Variants in ATP8B4 observed in about 807,000 individuals in gnomAD.
ATP8B4 encodes the protein probable phospholipid-transporting ATPase IM.
Under a neutral mutation model 145.6 loss-of-function variants are expected in ATP8B4, and 133 were observed. The observed-to-expected ratio is 0.91, with a 90% CI of 0.79 to 1.05. The LOEUF (loss-of-function observed/expected upper bound fraction) is 1.05, where lower values mean the gene tolerates loss of function less well. ATP8B4 is among the 50% of genes least tolerant of loss of function. ATP8B4 has a pLI of 0.00. For synonymous variants in ATP8B4, 507 were observed against 492.9 expected, an observed-to-expected ratio of 1.03 and a Z score of -0.38; for missense variants, 1,458 against 1,425.2, an observed-to-expected ratio of 1.02 and a Z score of -0.37.
At chr15:49,984,537 A>T (rs976205389) in intron 10 of ATP8B4, among the ~76,000 whole-genome samples, 11 of 152,198 alleles carry the variant, frequency 7.2e-5, no homozygotes, top group Non-Finnish European at 1.6e-4. Flanking sequence ...TAAGGGAAAG[A>T]GGTGACAGGA....
chr15:50,152,791 C>T (rs1051556187), intron 1 of ATP8B4, among the ~76,000 whole-genome samples: 2 of 152,140 alleles, frequency 1.3e-5, no homozygotes, highest in Non-Finnish European at 2.9e-5. Flanking sequence ...AACCTTAACC[C>T]TTTCAAAGCT....
chr15:49,917,812 TCTC>T (rs2039895366), intron 19 of ATP8B4, among the ~76,000 whole-genome samples: 1 of 152,146 alleles, frequency 6.6e-6, no homozygotes, highest in South Asian at 2.1e-4. Context: ...ATTGATAAAA[TCTC>T]AGCATATACC....
rs557283138 is a variant in ATP8B4, at chr15:50,118,146, T to C, written c.-43+977A>G. Among the ~76,000 whole-genome samples the C allele has an allele frequency of 2.6e-5, 4 of 152,262 alleles. No homozygotes were observed. The East Asian group carries it at 5.8e-4, about 22-fold the overall frequency. ...TATTTTTTATTTATAATAAACGATA[T>C]AGATATAAACGATAAAATAAACGAT... On this transcript the variant is annotated intron_variant, in intron 1 of 27. Coordinates refer to ENST00000284509, the MANE Select transcript of ATP8B4 (RefSeq NM_024837.4).
At chr15:49,864,948 C>T (rs2032525322) in intron 26 of ATP8B4, among the ~76,000 whole-genome samples, 2 of 152,184 alleles carry the variant, frequency 1.3e-5, no homozygotes. Flanking sequence ...GTCTTCTTCT[C>T]TGTTTTCTGG....
chr15:50,111,761 T>A (rs1039900324), intron 1 of ATP8B4, among the ~76,000 whole-genome samples: 1 of 152,220 alleles, frequency 6.6e-6, no homozygotes, highest in Non-Finnish European at 1.5e-5. Context: ...ACATTTGATA[T>A]TAGTTATCTT....
chr15:50,079,466 TAA>T (rs563550051), intron 2 of ATP8B4, among the ~76,000 whole-genome samples: 43 of 152,296 alleles, frequency 2.8e-4, no homozygotes, highest in Admixed American at 1.1e-3. Flanking sequence ...TGTGAGGTAA[TAA>T]AGTCAATTTA....
intron 2 of ATP8B4, among the ~76,000 whole-genome samples, chr15:50,078,699 A>C (rs1465107696): frequency 6.6e-6 from 1 of 152,126 alleles, no homozygotes; most frequent in Non-Finnish European, 1.5e-5. Context: ...AAATGAACCC[A>C]CAAACCTTCA....
rs372316519 is a variant in ATP8B4 at position 49,931,686 on chromosome 15, C to T, written c.1454-379G>A. On this transcript the variant is annotated intron_variant, in intron 15 of 27. Coordinates refer to ENST00000284509, the MANE Select transcript of ATP8B4 (RefSeq NM_024837.4). ...ATATTAACCCAAATAATCCTCAGGG[C>T]AGCCTTTGAGGTAGAGATTATTAAA... 1.3e-4 allele frequency among the ~76,000 whole-genome samples: 20 copies of T among 152,090 alleles called. No homozygotes were observed. The South Asian group carries it at 4.1e-3, about 32-fold the overall frequency.
intron 5 of ATP8B4, 152 bp from the exon 6 acceptor site, chr15:50,038,981 A>C: frequency 1.5e-6 from 1 of 649,886 alleles, no homozygotes. Context: ...ACCCAGCTCT[A>C]CATGTTCTAA....
chr15:49,897,574 A>G, intron 22 of ATP8B4, 59 bp from the exon 23 acceptor site: 1 of 1,356,346 alleles, frequency 7.4e-7, no homozygotes, highest in Non-Finnish European at 9.7e-7. Context: ...TCTTTTGGAA[A>G]CTTGTCATTC....
At position 49,876,431 on chromosome 15, in the gene ATP8B4, G is replaced by A. The variant is rs376725309; in HGVS notation, c.2874C>T (p.Cys958=). Residue 958 remains cysteine (C), a synonymous_variant, in exon 25 of 28, where the codon TGC becomes TGT. Transcript: ENST00000284509. The part of the protein sequence containing the change: ...LLFNKRKFFI[C]VLHGIYTSLV... Reference sequence around the variant, plus strand: ...ATGAGGTGTAGATTCCATGCAACACGCAAATGAAAAATTTACGCTTGTTAA... The same window carrying A: ...ATGAGGTGTAGATTCCATGCAACACACAAATGAAAAATTTACGCTTGTTAA... 15 of 1,613,558 alleles carry A rather than the reference G, an allele frequency of 9.3e-6. No individual in the cohort carries two copies. Among genetic ancestry groups the A allele is most frequent in the South Asian group, 3.3e-5 (3 of 91,064 alleles).
At chr15:49,965,119 G>C (rs1281413906) in intron 13 of ATP8B4, among the ~76,000 whole-genome samples, 1 of 152,202 alleles carries the variant, frequency 6.6e-6, no homozygotes, top group African/African-American at 2.4e-5. Flanking sequence ...GCTTGTGGAA[G>C]TCCAGGTTGG....
chr15:49,962,066 T>C, intron 13 of ATP8B4, 46 bp from the exon 14 acceptor site: 1 of 1,429,858 alleles, frequency 7.0e-7, no homozygotes, highest in Non-Finnish European at 9.6e-7. Flanking sequence ...AAACCGAAAT[T>C]AGAATTAGAC....
intron 23 of ATP8B4, chr15:49,895,130 A>T (rs1432559062): frequency 2.6e-5 from 4 of 152,280 alleles, no homozygotes; most frequent in African/African-American, 9.6e-5. Context: ...TCCTCTGGAA[A>T]AATTCAACTG....
chr15:50,081,872 C>T (rs910897483), intron 2 of ATP8B4, among the ~76,000 whole-genome samples: 3 of 152,164 alleles, frequency 2.0e-5, no homozygotes, highest in Non-Finnish European at 2.9e-5. Flanking sequence ...GGCTGTAGAC[C>T]CTCAAAATCA....
At chr15:50,110,342 A>G (rs140781194) in intron 1 of ATP8B4, among the ~76,000 whole-genome samples, 11 of 152,358 alleles carry the variant, frequency 7.2e-5, no homozygotes, top group Admixed American at 2.6e-4. Context: ...ATAGTAATGT[A>G]GCAGATTCTA....
intron 1 of ATP8B4, among the ~76,000 whole-genome samples, chr15:50,117,466 T>A (rs909630608): frequency 6.6e-6 from 1 of 152,068 alleles, no homozygotes; most frequent in African/African-American, 2.4e-5. Flanking sequence ...ATGAAAAAAA[T>A]AAAATTCTCC....
intron 1 of ATP8B4, among the ~76,000 whole-genome samples, chr15:50,118,093 G>T (rs12443409): frequency 6.6e-6 from 1 of 151,748 alleles, no homozygotes; most frequent in Non-Finnish European, 1.5e-5. Flanking sequence ...TTGATAACAC[G>T]GTAGTATGAC....
chr15:50,053,943 C>T (rs1298665641), intron 3 of ATP8B4, among the ~76,000 whole-genome samples: 1 of 152,128 alleles, frequency 6.6e-6, no homozygotes, highest in Non-Finnish European at 1.5e-5. Context: ...GGGAGATTGC[C>T]TCAATTTTTC....
Sources: gnomAD v4.1 joint callset for allele counts (sites outside exome capture counted in the v4.1 genomes callset) on GRCh38, gnomAD v4.1.1 for gene constraint, MANE v1.5 for transcripts, NCBI Gene and HGNC (gene_info 2026-07-23, HGNC 2026-07-21) for gene names.